MDGA2: variants seen among roughly 807,000 people sequenced by gnomAD.
MDGA2 encodes MAM domain-containing glycosylphosphatidylinositol anchor protein 2.
Under a neutral mutation model 117.8 loss-of-function variants are expected in MDGA2, and 40 were observed. The observed-to-expected ratio is 0.34, with a 90% CI of 0.26 to 0.44. The LOEUF is 0.44. MDGA2 is among the 20% of genes least tolerant of loss of function. The pLI is 1.00. For synonymous variants in MDGA2, 452 were observed against 439.0 expected (o/e 1.03, Z -0.37); for missense variants, 1,123 against 1,250.6 (o/e 0.90, Z 1.54).
intron 1 of MDGA2, among the ~76,000 whole-genome samples, chr14:47,611,391 C>A (rs575020135): frequency 1.7e-4 from 26 of 151,998 alleles, no homozygotes; most frequent in Admixed American, 5.9e-4. Context: ...TTTTGCATGG[C>A]AAAAGGAACA....
At chr14:46,842,772 A>G (rs2138261803) in intron 16 of MDGA2, among the ~76,000 whole-genome samples, 1 of 152,316 alleles carries the variant, frequency 6.6e-6, no homozygotes, top group African/African-American at 2.4e-5. Context: ...TTGAGTTTGA[A>G]AATTGAGACA....
Position 46,983,939 on chromosome 14 carries a change from T to G in MDGA2, c.1820-26296A>C, listed in dbSNP as rs928594521. ...ATTATAATTAACATGAATAGAATAT[T>G]ACAAGTATATTTATATATTAATTAT... On this transcript the variant is annotated intron_variant, in intron 8 of 16. Coordinates refer to ENST00000399232, the MANE Select transcript of MDGA2 (RefSeq NM_001113498.3). Among the ~76,000 whole-genome samples, 53 of 151,944 alleles carry G rather than the reference T, an allele frequency of 3.5e-4. 1 individual carries two copies. Among genetic ancestry groups the G allele is most frequent in the Non-Finnish European group, 2.9e-5 (2 of 67,928 alleles).
intron 1 of MDGA2, among the ~76,000 whole-genome samples, chr14:47,608,156 G>T (rs1273103074): frequency 6.6e-6 from 1 of 152,068 alleles, no homozygotes; most frequent in African/African-American, 2.4e-5. Context: ...TTAACTCATG[G>T]TGGGAAAGAT....
intron 7 of MDGA2, among the ~76,000 whole-genome samples, chr14:47,059,618 G>A (rs1352773422): frequency 6.6e-6 from 1 of 151,910 alleles, no homozygotes; most frequent in African/African-American, 2.4e-5. Flanking sequence ...CTGCTTTCTT[G>A]TCTCCATTCT....
chr14:47,561,163 G>GTTTTTTTTTTTTTTTTT (rs1309865250), intron 1 of MDGA2, among the ~76,000 whole-genome samples: 2 of 83,872 alleles, frequency 2.4e-5, no homozygotes, highest in African/African-American at 4.2e-5. Context: ...GTTTTGTTTT[G>GTTTTTTTTTTTTTTTTT]TTTTTTTGTT....
intron 1 of MDGA2, among the ~76,000 whole-genome samples, chr14:47,524,866 C>A (rs1002614505): frequency 2.0e-5 from 3 of 152,116 alleles, no homozygotes; most frequent in Non-Finnish European, 4.4e-5. Context: ...ATTTCTTAAG[C>A]GAGTTGTGGT....
intron 8 of MDGA2, among the ~76,000 whole-genome samples, chr14:47,007,843 T>G (rs533732128): frequency 6.6e-6 from 1 of 151,950 alleles, no homozygotes; most frequent in African/African-American, 2.4e-5. Context: ...CATGAGTTGT[T>G]TCCTTTGCTA....
intron 8 of MDGA2, among the ~76,000 whole-genome samples, chr14:46,992,946 G>A (rs1470680419): frequency 6.6e-6 from 1 of 152,062 alleles, no homozygotes; most frequent in African/African-American, 2.4e-5. Flanking sequence ...GAAAATGAGT[G>A]ATGTGAAAAC....
chr14:46,980,752 T>C (rs1555340229), intron 8 of MDGA2, among the ~76,000 whole-genome samples: 1 of 152,210 alleles, frequency 6.6e-6, no homozygotes, highest in Non-Finnish European at 1.5e-5. Context: ...TATGACTCAC[T>C]AAAGGTTCAG....
Position 47,170,440 on chromosome 14 carries a change from A to T in MDGA2, c.596-26166T>A, listed in dbSNP as rs545442597. Among the ~76,000 whole-genome samples, 136 of 152,256 alleles carry T rather than the reference A, an allele frequency of 8.9e-4. 1 individual carries two copies. Among genetic ancestry groups the T allele is most frequent in the African/African-American group, 3.2e-3 (132 of 41,560 alleles). On this transcript the variant is annotated intron_variant, in intron 3 of 16. Coordinates refer to ENST00000399232, the MANE Select transcript of MDGA2 (RefSeq NM_001113498.3). Reference sequence around the variant, plus strand: ...ATTTGACATTTCACCCAACTTTTACAAGAATGCTTTGACAAAGGTGCTATC... The same window carrying T: ...ATTTGACATTTCACCCAACTTTTACTAGAATGCTTTGACAAAGGTGCTATC...
rs1898141509 is a variant in MDGA2 at position 47,674,616 on chromosome 14, C to A, written c.181G>T (p.Ala61Ser). The change falls in exon 1 of 17, where the codon GCT becomes TCT. Residue 61 changes from alanine (A) to serine (S), a missense_variant. This residue lies in a region of MDGA2 where 233 missense variants were observed against 200.3 expected (regional missense o/e 1.16). Transcript: ENST00000399232. Reference protein sequence around the residue: ...LLKVPLRTPWAGYVHVHVKMD... With the variant: ...LLKVPLRTPWSGYVHVHVKMD... Reference sequence around the variant, plus strand: ...TTCACGTGAACATGAACATATCCAGCCCAGGGGGTACGCAACGGGACCTTC... The same window carrying A: ...TTCACGTGAACATGAACATATCCAGACCAGGGGGTACGCAACGGGACCTTC... 6.5e-7 allele frequency: 1 copy of A among 1,547,188 alleles called. No homozygotes were observed. The highest frequency in any genetic ancestry group is 8.7e-7 in the Non-Finnish European group (1 of 1,143,462).
chr14:47,461,090 A>C (rs574482341), intron 1 of MDGA2, among the ~76,000 whole-genome samples: 136 of 152,264 alleles, frequency 8.9e-4, no homozygotes, highest in African/African-American at 3.0e-3. Context: ...TATTAGTAAC[A>C]ACTCTGTTTT....
chr14:47,217,102 C>T (rs1886119190), intron 3 of MDGA2, among the ~76,000 whole-genome samples: 1 of 151,952 alleles, frequency 6.6e-6, no homozygotes, highest in African/African-American at 2.4e-5. Flanking sequence ...GACAAGTAGA[C>T]CATGTATAAT....
At chr14:47,513,188 TTAA>T (rs1338304038) in intron 1 of MDGA2, among the ~76,000 whole-genome samples, 1 of 152,136 alleles carries the variant, frequency 6.6e-6, no homozygotes, top group Non-Finnish European at 1.5e-5. Flanking sequence ...AAGCATCACC[TTAA>T]TAAAATAGGA....
chr14:47,651,977 C>G (rs1269532069), intron 1 of MDGA2, among the ~76,000 whole-genome samples: 1 of 152,094 alleles, frequency 6.6e-6, no homozygotes, highest in African/African-American at 2.4e-5. Context: ...GTGAAAGAGA[C>G]AGTTACACAT....
chr14:47,071,341 A>G (rs1161440219), intron 6 of MDGA2, among the ~76,000 whole-genome samples: 1 of 152,168 alleles, frequency 6.6e-6, no homozygotes, highest in Admixed American at 6.5e-5. Flanking sequence ...TAAACCACAA[A>G]ACAAAGATCC....
chr14:47,524,087 T>A (rs559573391), intron 1 of MDGA2, among the ~76,000 whole-genome samples: 1 of 152,180 alleles, frequency 6.6e-6, no homozygotes, highest in African/African-American at 2.4e-5. Context: ...TCTTTTCTAC[T>A]AGATGATAGT....
intron 10 of MDGA2, among the ~76,000 whole-genome samples, chr14:46,905,752 G>T (rs1448860642): frequency 6.6e-6 from 1 of 151,904 alleles, no homozygotes; most frequent in Non-Finnish European, 1.5e-5. Flanking sequence ...AAAGAAAAAA[G>T]CATGTTCATT....
At chr14:47,429,728 G>A (rs1323604855) in intron 1 of MDGA2, among the ~76,000 whole-genome samples, 1 of 151,820 alleles carries the variant, frequency 6.6e-6, no homozygotes, top group Non-Finnish European at 1.5e-5. Context: ...CTCAAAGTCC[G>A]AGGCACCATT....
Sources: allele counts gnomAD v4.1 joint callset (sites outside exome capture counted in the v4.1 genomes callset), GRCh38; gene constraint gnomAD v4.1.1; regional missense constraint gnomAD v4.1.1; transcripts MANE v1.5; gene names NCBI Gene and HGNC (gene_info 2026-07-23, HGNC 2026-07-21).